Variants in ELAVL2 observed in about 807,000 individuals in gnomAD.
The protein encoded by ELAVL2 is ELAV like RNA binding protein 2.
Under a neutral mutation model 34.6 loss-of-function variants are expected in ELAVL2, and 4 were observed. The observed-to-expected ratio is 0.12, with a 90% CI of 0.06 to 0.26. The LOEUF is 0.26. Among genes scored for constraint, ELAVL2 ranks in the 10% least tolerant of loss-of-function variants. The probability of loss-of-function intolerance (pLI) is 1.00; values close to 1 mark genes in which losing one functional copy is unlikely to be tolerated. For synonymous variants in ELAVL2, 193 were observed against 154.8 expected (o/e 1.25, Z -1.83); for missense variants, 432 against 442.8 (o/e 0.98, Z 0.22).
intron 4 of ELAVL2, among the ~76,000 whole-genome samples, chr9:23,702,975 A>AAAAC (rs1303783645): frequency 1.0e-4 from 14 of 140,312 alleles, no homozygotes; most frequent in Non-Finnish European, 2.2e-4. Flanking sequence ...AAAAAAAAAA[A>AAAAC]AAAAAACAGC....
intron 1 of ELAVL2, among the ~76,000 whole-genome samples, chr9:23,786,686 A>T (rs994367871): frequency 6.6e-6 from 1 of 151,800 alleles, no homozygotes; most frequent in African/African-American, 2.4e-5. Context: ...TACAGATAGG[A>T]CCAGGAGCCT....
At chr9:23,772,493 A>G (rs1473894841) in intron 1 of ELAVL2, among the ~76,000 whole-genome samples, 13 of 151,054 alleles carry the variant, frequency 8.6e-5, no homozygotes, top group Admixed American at 6.6e-4. Context: ...TTAGAGATAG[A>G]AAACCAAATG....
intron 1 of ELAVL2, among the ~76,000 whole-genome samples, chr9:23,765,411 A>G (rs2056016166): frequency 6.6e-6 from 1 of 152,198 alleles, no homozygotes; most frequent in Admixed American, 6.6e-5. Flanking sequence ...AAAATAAAGC[A>G]AAATACTGCA....
At position 23,762,261 on chromosome 9, in the gene ELAVL2, G is replaced by T; in HGVS notation, c.-15-12C>A. 3 of 1,611,328 alleles carry T rather than the reference G, an allele frequency of 1.9e-6. No individual in the cohort carries two copies. The highest frequency in any genetic ancestry group is 2.5e-6 in the Non-Finnish European group (3 of 1,178,346). Reference sequence around the variant, plus strand: ...GCAGCAATTACCTGCTAAAAACAGAGAAAACAAGAAATGTCAGAATTCATA... The same window carrying T: ...GCAGCAATTACCTGCTAAAAACAGATAAAACAAGAAATGTCAGAATTCATA... On this transcript the variant is annotated splice_polypyrimidine_tract_variant and intron_variant, in intron 1 of 6. Transcript: ENST00000397312.
chr9:23,739,386 A>G (rs929516796), intron 2 of ELAVL2, among the ~76,000 whole-genome samples: 1 of 152,224 alleles, frequency 6.6e-6, no homozygotes, highest in Non-Finnish European at 1.5e-5. Context: ...AAATACCTTC[A>G]GATAGCCTGA....
At chr9:23,818,002 T>C (rs1328272147) in intron 1 of ELAVL2, among the ~76,000 whole-genome samples, 1 of 152,222 alleles carries the variant, frequency 6.6e-6, no homozygotes, top group Non-Finnish European at 1.5e-5. Flanking sequence ...CTATAAACCG[T>C]CTAGTATCTC....
chr9:23,698,128 C>T (rs1293456314), intron 5 of ELAVL2, among the ~76,000 whole-genome samples: 1 of 152,122 alleles, frequency 6.6e-6, no homozygotes, highest in East Asian at 1.9e-4. Flanking sequence ...CTCATAGAAG[C>T]AGGCACACAG....
chr9:23,845,799 A>C, the ELAVL2 span, among the ~76,000 whole-genome samples: 4 of 151,948 alleles, frequency 2.6e-5, no homozygotes, highest in East Asian at 7.7e-4. Context: ...TTTAAAAAAA[A>C]AGTAAGGCAA....
At chr9:23,712,190 G>A (rs888959016) in intron 3 of ELAVL2, among the ~76,000 whole-genome samples, 3 of 152,098 alleles carry the variant, frequency 2.0e-5, no homozygotes, top group Non-Finnish European at 4.4e-5. Flanking sequence ...GAAAGGTGAA[G>A]CAACTTTTCC....
intron 1 of ELAVL2, among the ~76,000 whole-genome samples, chr9:23,765,803 C>G (rs533011192): frequency 8.3e-4 from 127 of 152,244 alleles, no homozygotes; most frequent in African/African-American, 2.8e-3. Flanking sequence ...AGGATGTCAG[C>G]TTTGTCCCTG....
At chr9:23,787,422 G>C (rs1034958693) in intron 1 of ELAVL2, among the ~76,000 whole-genome samples, 6 of 151,712 alleles carry the variant, frequency 4.0e-5, no homozygotes, top group African/African-American at 1.5e-4. Flanking sequence ...AATAGAGATG[G>C]GTTTCCACCA....
chr9:23,753,729 T>C (rs568092205), intron 2 of ELAVL2, among the ~76,000 whole-genome samples: 1 of 152,250 alleles, frequency 6.6e-6, no homozygotes, highest in East Asian at 1.9e-4. Flanking sequence ...GAGAATGGTG[T>C]CTCTTCTATA....
At chr9:23,768,889 G>A (rs1243344562) in intron 1 of ELAVL2, among the ~76,000 whole-genome samples, 2 of 152,152 alleles carry the variant, frequency 1.3e-5, no homozygotes, top group East Asian at 3.9e-4. Flanking sequence ...GATCACCAGT[G>A]ATCTTCATAC....
intron 3 of ELAVL2, among the ~76,000 whole-genome samples, chr9:23,715,692 C>A (rs1733018918): frequency 6.6e-6 from 1 of 152,118 alleles, no homozygotes; most frequent in African/African-American, 2.4e-5. Context: ...ATAACCATGG[C>A]AACTTTATCT....
the ELAVL2 span, among the ~76,000 whole-genome samples, chr9:23,846,107 G>T: frequency 2.6e-3 from 401 of 151,910 alleles, 5 homozygotes; most frequent in African/African-American, 9.0e-3. Context: ...AAACAAAAAA[G>T]ATCAAAATTA....
the ELAVL2 span, among the ~76,000 whole-genome samples, chr9:23,838,065 TA>T: frequency 3.3e-5 from 5 of 152,172 alleles, 1 homozygote; most frequent in Admixed American, 2.0e-4. Context: ...ATAAAGCCAT[TA>T]AAAATAGTGT....
intron 1 of ELAVL2, among the ~76,000 whole-genome samples, chr9:23,772,227 A>T (rs988831541): frequency 2.6e-5 from 4 of 152,246 alleles, no homozygotes; most frequent in African/African-American, 9.6e-5. Flanking sequence ...GAAATCCTCA[A>T]ATTAATCCCA....
intron 5 of ELAVL2, among the ~76,000 whole-genome samples, chr9:23,694,350 T>C (rs1343342395): frequency 6.6e-6 from 1 of 152,040 alleles, no homozygotes; most frequent in Non-Finnish European, 1.5e-5. Context: ...ATATCAAATA[T>C]TAGTTTTACA....
Position 23,692,272 on chromosome 9 carries a change from GA to G in ELAVL2, c.*284del, listed in dbSNP as rs2033407697. ...AGAAAAGAAATGTCTTCCCTTAGCT[GA>G]AACACTTTAAAAGGTCCACCTTCTT... On this transcript the variant is annotated 3_prime_UTR_variant, in exon 7 of 7. Transcript: ENST00000397312. 6 of 291,150 alleles carry G rather than the reference GA, an allele frequency of 2.1e-5. No homozygotes were observed. Among genetic ancestry groups the G allele is most frequent in the African/African-American group, 8.6e-5 (4 of 46,520 alleles). 18.0% of individuals were successfully genotyped at this position (291,150 alleles called of 1,614,324 possible).
Sources: gnomAD v4.1 joint callset for allele counts (sites outside exome capture counted in the v4.1 genomes callset) on GRCh38, gnomAD v4.1.1 for gene constraint, MANE v1.5 for transcripts, NCBI Gene and HGNC (gene_info 2026-07-23, HGNC 2026-07-21) for gene names.